Variants in KCNIP4 observed in about 807,000 individuals in gnomAD.
The protein encoded by KCNIP4 is potassium voltage-gated channel interacting protein 4, also known as Kv channel-interacting protein 4.
Under a neutral mutation model 34.0 loss-of-function variants are expected in KCNIP4, and 12 were observed. The observed-to-expected ratio is 0.35, with a 90% CI of 0.23 to 0.57. The LOEUF (loss-of-function observed/expected upper bound fraction) is 0.57, where lower values mean the gene tolerates loss of function less well. Ranked by LOEUF, KCNIP4 falls within the 20% of genes least tolerant of loss-of-function variation. KCNIP4 has a pLI of 0.83. For synonymous variants in KCNIP4, 124 were observed against 102.2 expected, an observed-to-expected ratio of 1.21 and a Z score of -1.29; for missense variants, 238 against 311.7, an observed-to-expected ratio of 0.76 and a Z score of 1.78.
intron 1 of KCNIP4, among the ~76,000 whole-genome samples, chr4:20,902,452 C>G (rs1727251732): frequency 6.6e-6 from 1 of 152,140 alleles, no homozygotes; most frequent in Admixed American, 6.5e-5. Context: ...AGCACCATAC[C>G]AGCCAGCAAG....
chr4:20,748,560 T>TA (rs1752879061), intron 5 of KCNIP4, among the ~76,000 whole-genome samples: 11 of 64,898 alleles, frequency 1.7e-4, no homozygotes, highest in South Asian at 5.6e-4. Context: ...CTTCCAAATT[T>TA]TATATATATA....
At chr4:21,234,109 CGTATATTAT>C (rs1296166001) in intron 1 of KCNIP4, among the ~76,000 whole-genome samples, 7 of 98,880 alleles carry the variant, frequency 7.1e-5, no homozygotes, top group Admixed American at 3.6e-4. Flanking sequence ...ACATATATAA[CGTATATTAT>C]ATATAACATA....
intron 1 of KCNIP4, among the ~76,000 whole-genome samples, chr4:21,356,463 T>C (rs12642058): frequency 0.71 from 108,275 of 152,092 alleles, 39,531 homozygotes; most frequent in African/African-American, 0.87. Context: ...GCAACTTCAG[T>C]AAAATCTCAA....
chr4:21,138,901 T>A (rs1751719237), intron 1 of KCNIP4, among the ~76,000 whole-genome samples: 1 of 151,660 alleles, frequency 6.6e-6, no homozygotes, highest in Non-Finnish European at 1.5e-5. Flanking sequence ...TCCCCTAGAG[T>A]CTCCAGAAAG....
intron 1 of KCNIP4, among the ~76,000 whole-genome samples, chr4:21,183,408 T>C (rs1754987882): frequency 1.3e-5 from 2 of 152,032 alleles, no homozygotes; most frequent in African/African-American, 4.8e-5. Flanking sequence ...TCACATGGAA[T>C]TTCTATTTTT....
In KCNIP4 at chr4:21,025,756, G is replaced by A. The variant is rs549510069; in HGVS notation, c.62-143047C>T. Reference sequence around the variant, plus strand: ...TTTTTAGAAGAGATGGGGTTTCACCGTGTTAGCCAGGATGGTCTCGATCTC... The same window carrying A: ...TTTTTAGAAGAGATGGGGTTTCACCATGTTAGCCAGGATGGTCTCGATCTC... On this transcript the variant is annotated intron_variant, in intron 1 of 8. Transcript: ENST00000382152. 2.6e-4 allele frequency among the ~76,000 whole-genome samples: 40 copies of A among 151,740 alleles called. 1 individual carries two copies. Among genetic ancestry groups the A allele is most frequent in the Admixed American group, 1.4e-3 (22 of 15,228 alleles).
chr4:20,842,817 G>A (rs1008063490), intron 3 of KCNIP4, among the ~76,000 whole-genome samples: 8 of 152,036 alleles, frequency 5.3e-5, no homozygotes. Context: ...AGGCAGATTT[G>A]AGAGATACAA....
At chr4:21,693,238 G>A (rs1711879202) in intron 1 of KCNIP4, among the ~76,000 whole-genome samples, 1 of 151,808 alleles carries the variant, frequency 6.6e-6, no homozygotes, top group African/African-American at 2.4e-5. Context: ...CTTCTCTTCA[G>A]ACTTCAAAAA....
chr4:21,887,446 T>C, intron 1 of KCNIP4, among the ~76,000 whole-genome samples: 1 of 152,076 alleles, frequency 6.6e-6, no homozygotes, highest in African/African-American at 2.4e-5. Context: ...CTAAAGGCCT[T>C]ACTTCAAACC....
chr4:21,067,605 C>G (rs1330663780), intron 1 of KCNIP4, among the ~76,000 whole-genome samples: 1 of 152,174 alleles, frequency 6.6e-6, no homozygotes, highest in Non-Finnish European at 1.5e-5. Flanking sequence ...ACTTTGCCAC[C>G]TGCTGAGTGT....
intron 1 of KCNIP4, among the ~76,000 whole-genome samples, chr4:21,524,798 T>TC (rs1324407267): frequency 6.6e-6 from 1 of 152,118 alleles, no homozygotes; most frequent in African/African-American, 2.4e-5. Context: ...CTAGTGATTT[T>TC]TTTTTTATTT....
chr4:21,383,714 C>T (rs1284298911), intron 1 of KCNIP4, among the ~76,000 whole-genome samples: 2 of 152,008 alleles, frequency 1.3e-5, no homozygotes, highest in African/African-American at 4.8e-5. Context: ...ATGCAAATGC[C>T]TATTCATTGG....
intron 1 of KCNIP4, among the ~76,000 whole-genome samples, chr4:21,447,091 A>G (rs988469103): frequency 5.3e-5 from 8 of 152,168 alleles, no homozygotes; most frequent in African/African-American, 1.9e-4. Flanking sequence ...TGCCATAGAC[A>G]TATTAGCCAA....
At chr4:20,918,007 T>C (rs182008354) in intron 1 of KCNIP4, among the ~76,000 whole-genome samples, 78 of 152,288 alleles carry the variant, frequency 5.1e-4, no homozygotes, top group African/African-American at 1.7e-3. Context: ...TTTCCTCCTT[T>C]CCAAGAAAAG....
At chr4:21,026,359 C>T (rs1249766005) in intron 1 of KCNIP4, among the ~76,000 whole-genome samples, 1 of 152,036 alleles carries the variant, frequency 6.6e-6, no homozygotes, top group African/African-American at 2.4e-5. Context: ...ATTAAAGGGT[C>T]CATGGGATGT....
chr4:20,921,842 T>A lies in KCNIP4; in HGVS notation c.62-39133A>T, dbSNP rs377125265. ...AGTCTATGTGGGTGATGTTAACAAG[T>A]TGAATATTAATGAAGACTATCTCTA... On this transcript the variant is annotated intron_variant, in intron 1 of 8. Transcript: ENST00000382152. Among the ~76,000 whole-genome samples the A allele has an allele frequency of 5.4e-4, 83 of 152,328 alleles. 1 individual carries two copies. The South Asian group carries it at 0.017, about 30-fold the overall frequency.
At chr4:21,537,426 A>G (rs1170073543) in intron 1 of KCNIP4, among the ~76,000 whole-genome samples, 1 of 152,094 alleles carries the variant, frequency 6.6e-6, no homozygotes, top group Non-Finnish European at 1.5e-5. Flanking sequence ...TCAGCACTAC[A>G]ATATTTTAAA....
At chr4:21,238,682 A>G (rs369100098) in intron 1 of KCNIP4, among the ~76,000 whole-genome samples, 9 of 152,028 alleles carry the variant, frequency 5.9e-5, no homozygotes, top group African/African-American at 9.7e-5. Context: ...GGATGTGAAG[A>G]ACCTCTTCAA....
At chr4:21,460,105 C>T (rs1036304450) in intron 1 of KCNIP4, among the ~76,000 whole-genome samples, 1 of 149,546 alleles carries the variant, frequency 6.7e-6, no homozygotes, top group East Asian at 2.0e-4. Flanking sequence ...TGCCCCCCGC[C>T]CCCCATCTCT....
Sources: gnomAD v4.1 joint callset for allele counts (sites outside exome capture counted in the v4.1 genomes callset) on GRCh38, gnomAD v4.1.1 for gene constraint, MANE v1.5 for transcripts, NCBI Gene and HGNC (gene_info 2026-07-23, HGNC 2026-07-21) for gene names.